GTF3A: variants seen among roughly 807,000 people sequenced by gnomAD.
GTF3A encodes transcription factor IIIA.
In GTF3A, 40 loss-of-function variants were observed where a neutral mutation model predicts 37.6. The observed-to-expected ratio is 1.06, with a 90% confidence interval of 0.83 to 1.38. The LOEUF is 1.38. Ranked by LOEUF, GTF3A falls within the 40% of genes most tolerant of loss-of-function variation. The probability of loss-of-function intolerance (pLI) is 0.00; values close to 1 mark genes in which losing one functional copy is unlikely to be tolerated. For missense variants in GTF3A, 500 were observed against 462.6 expected, an observed-to-expected ratio of 1.08 and a Z score of -0.74; for synonymous variants, 191 against 166.7, an observed-to-expected ratio of 1.15 and a Z score of -1.12.
Position 27,424,851 on chromosome 13 carries a change from G to T in GTF3A, c.114G>T (p.Arg38Ser). The stretch of plus-strand genomic sequence containing the variant: ...CCCCGCCGCGCCCCGCGCTTCCCAG[G>T]AGGTTCATCTGCTCCTTCCCTGACT... The change falls in exon 1 of 9, where the codon AGG (arginine) becomes AGT (serine). Residue 38 changes from arginine (R) to serine (S), a missense_variant. Coordinates refer to ENST00000381140, the MANE Select transcript of GTF3A (RefSeq NM_002097.3). 1 of 1,550,720 alleles carries T rather than the reference G, an allele frequency of 6.4e-7. No individual in the cohort carries two copies. The highest frequency in any genetic ancestry group is 2.4e-5 in the East Asian group (1 of 40,820).
In GTF3A at chr13:27,427,193, GT is replaced by G. The variant is rs767961737; in HGVS notation, c.302+2del. ...CTCACACAGGAGAAAAGCCGTTTGT[GT>G]AAGTAGAGACCTGTTTTTAGGCTTT... On this transcript the variant is annotated splice_donor_variant, in intron 2 of 8. Transcript: ENST00000381140. LOFTEE classifies it high-confidence loss of function. 2.6e-6 allele frequency: 4 copies of G among 1,515,136 alleles called. No homozygotes were observed. The highest frequency in any genetic ancestry group is 3.7e-6 in the Non-Finnish European group (4 of 1,093,044). The allele number at this position is 1,515,136 out of a possible 1,614,324, so 93.9% of individuals were successfully genotyped here. A position where few individuals can be genotyped will look rare whatever the true frequency, so the allele number is the denominator to read the frequency against.
At chr13:27,431,220 G>A (rs896124517) in intron 4 of GTF3A, among the ~76,000 whole-genome samples, 2 of 152,102 alleles carry the variant, frequency 1.3e-5, no homozygotes, top group Non-Finnish European at 2.9e-5. Flanking sequence ...TTGTTCCATT[G>A]GTCTAAGTGC....
chr13:27,430,697 C>T lies in GTF3A; in HGVS notation c.488+76C>T, dbSNP rs983397624. The T allele has an allele frequency of 3.8e-5, 35 of 918,260 alleles. No homozygotes were observed. In the Admixed American group the frequency reaches 7.2e-4, roughly 19 times the overall value. The allele number at this position is 918,260 out of a possible 1,614,324, so 56.9% of individuals were successfully genotyped here. A position where few individuals can be genotyped will look rare whatever the true frequency, so the allele number is the denominator to read the frequency against. ...TTGGAAATGCAAGGGTGGTGTTGAG[C>T]ATTGTTTCATGTTTTTTGGCCATTT... On this transcript the variant is annotated intron_variant, in intron 4 of 8. Transcript: ENST00000381140.
At position 27,435,034 on chromosome 13, in the gene GTF3A, A is replaced by T. The variant is rs1426325446; in HGVS notation, c.873A>T (p.Lys291Asn). 5.1e-6 allele frequency: 8 copies of T among 1,579,240 alleles called. No individual in the cohort carries two copies. In the Admixed American group the frequency reaches 6.7e-5, roughly 13 times the overall value. The change falls in exon 7 of 9, where the codon AAA becomes AAT. Residue 291 changes from lysine to asparagine, a missense_variant and splice_region_variant. Transcript: ENST00000381140. ...GCTGTGGCAAAACATTTGCAATGAA[A>T]GTAAGCACTCACCCTCATACTCATG...
intron 2 of GTF3A, among the ~76,000 whole-genome samples, chr13:27,428,233 C>G (rs534936685): frequency 1.3e-5 from 2 of 152,260 alleles, no homozygotes; most frequent in Non-Finnish European, 2.9e-5. Context: ...GTCCAGTGAC[C>G]CATAGCAAAG....
chr13:27,428,474 C>T (rs1953626688), intron 2 of GTF3A, among the ~76,000 whole-genome samples: 1 of 152,202 alleles, frequency 6.6e-6, no homozygotes, highest in Admixed American at 6.5e-5. Flanking sequence ...ATCCAGGTTT[C>T]AAGTGTGTCC....
intron 4 of GTF3A, among the ~76,000 whole-genome samples, chr13:27,432,111 G>T (rs796495281): frequency 6.4e-4 from 98 of 152,300 alleles, no homozygotes; most frequent in African/African-American, 2.3e-3. Context: ...AGGGTGGCTG[G>T]ACAAGTTGGG....
At chr13:27,434,454 A>C (rs1371604013) in intron 6 of GTF3A, among the ~76,000 whole-genome samples, 2 of 152,160 alleles carry the variant, frequency 1.3e-5, no homozygotes, top group Non-Finnish European at 2.9e-5. Context: ...TGTAGTGAAG[A>C]ATTTCGGGAG....
Position 27,432,719 on chromosome 13 carries a change from T to C in GTF3A, c.489-12T>C, listed in dbSNP as rs749719964. The C allele has an allele frequency of 5.6e-6, 9 of 1,596,674 alleles. No homozygotes were observed. Among genetic ancestry groups the C allele is most frequent in the Non-Finnish European group, 7.7e-6 (9 of 1,170,704 alleles). Reference sequence around the variant, plus strand: ...AATGGATTGGCTAATACCTCATGTGTTGCCAATGCAGGTGTACCCAGGAAG... The same window carrying C: ...AATGGATTGGCTAATACCTCATGTGCTGCCAATGCAGGTGTACCCAGGAAG... On this transcript the variant is annotated splice_polypyrimidine_tract_variant and intron_variant, in intron 4 of 8. Transcript: ENST00000381140.
intron 4 of GTF3A, among the ~76,000 whole-genome samples, chr13:27,430,847 C>A (rs892024453): frequency 6.6e-5 from 10 of 152,080 alleles, no homozygotes; most frequent in African/African-American, 2.2e-4. Flanking sequence ...CATAATGTGC[C>A]AGTATTTTCT....
chr13:27,434,813 C>A lies in GTF3A; in HGVS notation c.652C>A (p.Leu218Ile). Residue 218 changes from leucine to isoleucine, a missense_variant, in exon 7 of 9, where the codon CTA (leucine) becomes ATA (isoleucine). Physicochemically the swap from Leu to Ile is conservative, Grantham distance 5. Coordinates refer to ENST00000381140, the MANE Select transcript of GTF3A (RefSeq NM_002097.3). ...TCTGTCTGTCCCACCAGAGGAAATA[C>A]TATGTGAAGTATGCCGGAAAACATT... 6.2e-7 allele frequency: 1 copy of A among 1,601,888 alleles called. No homozygotes were observed. The highest frequency in any genetic ancestry group is 8.5e-7 in the Non-Finnish European group (1 of 1,170,134).
At chr13:27,433,025 C>A (rs553820319) in intron 5 of GTF3A, among the ~76,000 whole-genome samples, 3 of 152,200 alleles carry the variant, frequency 2.0e-5, no homozygotes, top group African/African-American at 4.8e-5. Flanking sequence ...TTGTTCACAA[C>A]AAGCGCCTGG....
In GTF3A at chr13:27,434,831, A is replaced by G. The variant is rs764757860; in HGVS notation, c.670A>G (p.Lys224Glu). 11 of 1,611,646 alleles carry G rather than the reference A, an allele frequency of 6.8e-6. No homozygotes were observed. The highest frequency in any genetic ancestry group is 9.3e-6 in the Non-Finnish European group (11 of 1,178,182). ...GGAAATACTATGTGAAGTATGCCGG[A>G]AAACATTTAAACGCAAAGATTACCT... Residue 224 changes from lysine to glutamate, a missense_variant, in exon 7 of 9, where the codon AAA becomes GAA. Physicochemically the swap from Lys to Glu is moderately conservative, Grantham distance 56 (BLOSUM62 1). Transcript: ENST00000381140.
rs1593177686 is a variant in GTF3A, at chr13:27,427,435, G to C, written c.302+243G>C. 2.6e-5 allele frequency among the ~76,000 whole-genome samples: 4 copies of C among 152,274 alleles called. No homozygotes were observed. In the South Asian group the frequency reaches 8.3e-4, roughly 32 times the overall value. On this transcript the variant is annotated intron_variant, in intron 2 of 8. Coordinates refer to ENST00000381140, the MANE Select transcript of GTF3A (RefSeq NM_002097.3). Reference sequence around the variant, plus strand: ...TGTACAAAAATACAAAAATTAGTCAGGGATGGTGGTTTGTGCCTGTAATCC... The same window carrying C: ...TGTACAAAAATACAAAAATTAGTCACGGATGGTGGTTTGTGCCTGTAATCC...
intron 1 of GTF3A, among the ~76,000 whole-genome samples, chr13:27,426,581 G>T (rs1953606863): frequency 6.6e-6 from 1 of 152,212 alleles, no homozygotes. Context: ...TGTTTTCTTT[G>T]CTTCGCCCTG....
chr13:27,432,764 A>G lies in GTF3A; in HGVS notation c.522A>G (p.Ala174=), dbSNP rs1953668977. 1 of 1,606,456 alleles carries G rather than the reference A, an allele frequency of 6.2e-7. No homozygotes were observed. The highest frequency in any genetic ancestry group is 8.5e-7 in the Non-Finnish European group (1 of 1,176,290). The stretch of plus-strand genomic sequence containing the variant: ...AGGAAGGATGTGGGAAACACTTTGC[A>G]TCACCCAGCAAGCTGAAACGACATG... The change falls in exon 5 of 9, where the codon GCA becomes GCG. Residue 174 remains alanine, a synonymous_variant. Transcript: ENST00000381140.
intron 4 of GTF3A, among the ~76,000 whole-genome samples, chr13:27,430,864 C>T (rs548725737): frequency 1.3e-5 from 2 of 152,298 alleles, no homozygotes; most frequent in South Asian, 2.1e-4. Flanking sequence ...TTCTCCCACT[C>T]TCTGGGTTGT....
chr13:27,432,248 C>T (rs1953663376), intron 4 of GTF3A, among the ~76,000 whole-genome samples: 1 of 152,142 alleles, frequency 6.6e-6, no homozygotes, highest in African/African-American at 2.4e-5. Flanking sequence ...GCTTGTGGGT[C>T]TGCTGCTGCT....
intron 2 of GTF3A, 71 bp from the exon 3 acceptor site, chr13:27,429,799 G>T: frequency 7.3e-6 from 5 of 685,032 alleles, no homozygotes; most frequent in South Asian, 2.3e-5. Flanking sequence ...TATAAAGTAG[G>T]AAGATATATG....
Sources: allele counts gnomAD v4.1 joint callset (sites outside exome capture counted in the v4.1 genomes callset), GRCh38; gene constraint gnomAD v4.1.1; transcripts MANE v1.5; gene names NCBI Gene and HGNC (gene_info 2026-07-23, HGNC 2026-07-21).